Variants in ADGRG6 observed in about 807,000 individuals in gnomAD.
ADGRG6 encodes G-protein coupled receptor 126.
ADGRG6 carries 84 observed loss-of-function variants against 142.4 expected under a neutral mutation model. The ratio of observed to expected loss-of-function variants is 0.59; its 90% CI spans 0.49 to 0.71. The LOEUF is 0.71. ADGRG6 is among the 30% of genes least tolerant of loss of function. The pLI, the probability that ADGRG6 is intolerant of heterozygous loss-of-function variation, is 0.00. For synonymous variants in ADGRG6, 521 were observed against 520.5 expected (o/e 1.00, Z -0.01); for missense variants, 1,367 against 1,466.6 (o/e 0.93, Z 1.11).
chr6:142,325,077 G>T (rs1219703214), intron 2 of ADGRG6, among the ~76,000 whole-genome samples: 1 of 152,178 alleles, frequency 6.6e-6, no homozygotes, highest in African/African-American at 2.4e-5. Flanking sequence ...AATCCTCGTA[G>T]CTCATTCTGC....
chr6:142,320,382 C>T (rs1778453686), intron 2 of ADGRG6, among the ~76,000 whole-genome samples: 1 of 151,992 alleles, frequency 6.6e-6, no homozygotes, highest in African/African-American at 2.4e-5. Context: ...AGCATTAAAG[C>T]ACTTTTGGAT....
At chr6:142,346,289 C>T (rs1430182147) in intron 2 of ADGRG6, among the ~76,000 whole-genome samples, 1 of 152,192 alleles carries the variant, frequency 6.6e-6, no homozygotes, top group Non-Finnish European at 1.5e-5. Flanking sequence ...ATTCCTATTT[C>T]TCCACATCCT....
chr6:142,342,984 A>G (rs1342867691), intron 2 of ADGRG6, among the ~76,000 whole-genome samples: 3 of 151,804 alleles, frequency 2.0e-5, no homozygotes, highest in Non-Finnish European at 2.9e-5. Flanking sequence ...ATGGATTCTT[A>G]ATATAAAACT....
chr6:142,356,741 AC>A (rs1562334492), intron 2 of ADGRG6, among the ~76,000 whole-genome samples: 1 of 152,076 alleles, frequency 6.6e-6, no homozygotes, highest in Non-Finnish European at 1.5e-5. Flanking sequence ...GCTAGTGACT[AC>A]CTCAAGGTCA....
At chr6:142,411,438 T>C (rs779434512) in intron 18 of ADGRG6, 27 bp downstream of exon 18, 2 of 1,128,618 alleles carry the variant, frequency 1.8e-6, no homozygotes, top group East Asian at 2.3e-5. Context: ...TAAGCTCATT[T>C]TGACATGCTG....
chr6:142,306,442 G>C (rs550680893), intron 1 of ADGRG6, among the ~76,000 whole-genome samples: 1 of 152,082 alleles, frequency 6.6e-6, no homozygotes, highest in Non-Finnish European at 1.5e-5. Context: ...CAAAAAGGAC[G>C]CTAGGTTGGA....
rs778758825 is a variant in ADGRG6, at chr6:142,370,772, G to A, written c.1048G>A (p.Ala350Thr). 1 of 1,611,314 alleles carries A rather than the reference G, an allele frequency of 6.2e-7. No individual in the cohort carries two copies. The highest frequency in any genetic ancestry group is 1.3e-5 in the African/African-American group (1 of 74,572). Residue 350 changes from alanine to threonine, a missense_variant, in exon 4 of 25, where the codon GCT (alanine) becomes ACT (threonine). Physicochemically the swap from Ala to Thr is moderately conservative, Grantham distance 58. Around this residue, in one of 3 missense-constraint regions of ADGRG6, gnomAD observed 737 missense variants for 746.5 expected, o/e 0.99. Coordinates refer to ENST00000367609, the MANE Select transcript of ADGRG6 (RefSeq NM_198569.3). ...GAATATCCCAAACCTAGCTCTGAAA[G>A]CTGAAAGCAACCTAAGCTGTGGTGA... ...FWNIPNLALK[A>T]ESNLSCGSYL...
chr6:142,399,012 T>C (rs1775360628), intron 10 of ADGRG6, among the ~76,000 whole-genome samples: 1 of 152,140 alleles, frequency 6.6e-6, no homozygotes. Context: ...AATGAATGAG[T>C]CTGCATGAGA....
chr6:142,317,869 T>A (rs1358188194), intron 2 of ADGRG6, among the ~76,000 whole-genome samples: 35 of 66,752 alleles, frequency 5.2e-4, no homozygotes, highest in African/African-American at 1.2e-3. Context: ...TATTATATTT[T>A]TATATATTAT....
chr6:142,432,464 T>G (rs1420137986), intron 22 of ADGRG6, among the ~76,000 whole-genome samples: 2 of 152,182 alleles, frequency 1.3e-5, no homozygotes, highest in Non-Finnish European at 2.9e-5. Context: ...TTAAAATATA[T>G]TCATTCCTAA....
At chr6:142,322,181 G>A (rs932060311) in intron 2 of ADGRG6, among the ~76,000 whole-genome samples, 10 of 152,078 alleles carry the variant, frequency 6.6e-5, no homozygotes, top group Non-Finnish European at 1.3e-4. Context: ...GAGAGAATCA[G>A]TGGAGCCCAG....
chr6:142,414,998 T>C lies in ADGRG6; in HGVS notation c.2571T>C (p.Asp857=), dbSNP rs1776284906. Residue 857 remains aspartate, a synonymous_variant, in exon 19 of 25, where the codon GAT becomes GAC. Transcript: ENST00000367609. ...TTCCAAGAAGTGCCTCACAGTTAGA[T>C]GCAAGAAACACTAAAGTCCTCACTT... The part of the protein sequence containing the change: ...MDLPRSASQL[D]ARNTKVLTFI... 6.2e-7 allele frequency: 1 copy of C among 1,611,960 alleles called. No homozygotes were observed. The highest frequency in any genetic ancestry group is 1.3e-5 in the African/African-American group (1 of 74,910).
intron 2 of ADGRG6, among the ~76,000 whole-genome samples, chr6:142,330,723 A>G (rs993847155): frequency 4.6e-5 from 7 of 152,260 alleles, no homozygotes; most frequent in South Asian, 2.1e-4. Context: ...CAAATATTGT[A>G]TATGCCTTTT....
chr6:142,370,505 T>A lies in ADGRG6; in HGVS notation c.781T>A (p.Leu261Met), dbSNP rs1253026349. Residue 261 changes from leucine (L) to methionine (M), a missense_variant, in exon 4 of 25, where the codon TTG becomes ATG. Leu to Met is a conservative substitution (Grantham distance 15). Around this residue, in one of 3 missense-constraint regions of ADGRG6, gnomAD observed 737 missense variants for 746.5 expected, o/e 0.99. Coordinates refer to ENST00000367609, the MANE Select transcript of ADGRG6 (RefSeq NM_198569.3). Reference protein sequence around the residue: ...EQLCLVWNNSLGSIGVNFKRN... With the variant: ...EQLCLVWNNSMGSIGVNFKRN... ...GCTCTGCCTTGTTTGGAATAATTCT[T>A]TGGGCTCTATTGGTGTAAATTTCAA... The A allele has an allele frequency of 6.2e-7, 1 of 1,613,694 alleles. No individual in the cohort carries two copies. Among genetic ancestry groups the A allele is most frequent in the Admixed American group, 1.7e-5 (1 of 60,014 alleles).
chr6:142,437,159 T>G (rs765869247), intron 22 of ADGRG6, among the ~76,000 whole-genome samples: 15 of 152,210 alleles, frequency 9.9e-5, no homozygotes, highest in Non-Finnish European at 2.2e-4. Context: ...TATTTCAGCT[T>G]GGCTTTTAGG....
At position 142,302,167 on chromosome 6, in the gene ADGRG6, G is replaced by C. The variant is rs1777251751; in HGVS notation, c.-163G>C. On this transcript the variant is annotated 5_prime_UTR_variant, in exon 1 of 25. Transcript: ENST00000367609. ...CGCCCAGGGTTCACCTTGCGCCGTC[G>C]GGAAAGCCCATGAACTCTCCAGAAA... 1.5e-6 allele frequency: 1 copy of C among 689,382 alleles called. No homozygotes were observed. Among genetic ancestry groups the C allele is most frequent in the Non-Finnish European group, 2.3e-6 (1 of 427,850 alleles). The allele number at this position is 689,382 out of a possible 1,614,324, so 42.7% of individuals were successfully genotyped here. A position where few individuals can be genotyped will look rare whatever the true frequency, so the allele number is the denominator to read the frequency against.
At chr6:142,369,595 A>C (rs1371524487) in intron 3 of ADGRG6, among the ~76,000 whole-genome samples, 1 of 152,160 alleles carries the variant, frequency 6.6e-6, no homozygotes, top group Non-Finnish European at 1.5e-5. Flanking sequence ...ACTTTTCACT[A>C]GACTCCCTCT....
chr6:142,391,467 A>ACT (rs1238987340), intron 7 of ADGRG6, among the ~76,000 whole-genome samples: 1 of 151,436 alleles, frequency 6.6e-6, no homozygotes, highest in Non-Finnish European at 1.5e-5. Context: ...ACACACACAC[A>ACT]CACACACACA....
chr6:142,313,525 C>T (rs189738691), intron 2 of ADGRG6, among the ~76,000 whole-genome samples: 1 of 152,066 alleles, frequency 6.6e-6, no homozygotes, highest in Non-Finnish European at 1.5e-5. Flanking sequence ...ATCAGCAGAT[C>T]GTTTCAAAGC....
Sources: gnomAD v4.1 joint callset for allele counts (sites outside exome capture counted in the v4.1 genomes callset) on GRCh38, gnomAD v4.1.1 for gene constraint, gnomAD v4.1.1 regional missense constraint, MANE v1.5 for transcripts, NCBI Gene and HGNC (gene_info 2026-07-23, HGNC 2026-07-21) for gene names.